SEPTIN6: variants seen among roughly 807,000 people sequenced by gnomAD.
SEPTIN6 encodes the protein septin-6.
SEPTIN6 carries 8 observed loss-of-function variants against 33.6 expected under a neutral mutation model. That is an observed-to-expected ratio of 0.24 (90% confidence interval 0.14 to 0.43). The LOEUF is 0.43. Ranked by LOEUF, SEPTIN6 falls within the 20% of genes least tolerant of loss-of-function variation. The pLI is 1.00. For missense variants in SEPTIN6, 250 were observed against 340.8 expected, an observed-to-expected ratio of 0.73 and a Z score of 2.10; for synonymous variants, 131 against 140.0, an observed-to-expected ratio of 0.94 and a Z score of 0.45.
chrX:119,680,753 C>T (rs376312853), intron 1 of SEPTIN6, among the ~76,000 whole-genome samples: 9 of 108,724 alleles, frequency 8.3e-5, no homozygotes, highest in African/African-American at 3.0e-4. Flanking sequence ...GAGGCCGAGG[C>T]GGGTGGATCA....
At chrX:119,652,572 A>G (rs1209652610) in intron 4 of SEPTIN6, among the ~76,000 whole-genome samples, 1 of 111,950 alleles carries the variant, frequency 8.9e-6, no homozygotes, top group East Asian at 2.8e-4. Context: ...ACAGCTTTCC[A>G]TTGCCAAAGC....
intron 2 of SEPTIN6, among the ~76,000 whole-genome samples, chrX:119,671,905 G>A (rs2054757033): frequency 8.9e-6 from 1 of 112,561 alleles, no homozygotes; most frequent in East Asian, 2.8e-4. Context: ...CAAGATAAAA[G>A]ATCACCTTCA....
chrX:119,686,851 G>C (rs888619715), intron 1 of SEPTIN6, among the ~76,000 whole-genome samples: 1 of 111,858 alleles, frequency 8.9e-6, no homozygotes, highest in African/African-American at 3.3e-5. Flanking sequence ...TAATATCAGA[G>C]AGTCTCCGAA....
chrX:119,680,066 A>C (rs1369839358), intron 1 of SEPTIN6, among the ~76,000 whole-genome samples: 1 of 110,836 alleles, frequency 9.0e-6, no homozygotes, highest in Non-Finnish European at 1.9e-5. Flanking sequence ...AAAAAATTAC[A>C]TTTATCAGAT....
At chrX:119,680,980 CAA>C (rs60147271) in intron 1 of SEPTIN6, among the ~76,000 whole-genome samples, 21 of 77,909 alleles carry the variant, frequency 2.7e-4, no homozygotes, top group Admixed American at 7.1e-4. Context: ...GACTCTGTCT[CAA>C]AAAAAAAAAA....
At chrX:119,623,578 C>T (rs1287168879) in intron 10 of SEPTIN6, among the ~76,000 whole-genome samples, 1 of 112,230 alleles carries the variant, frequency 8.9e-6, no homozygotes, top group Non-Finnish European at 1.9e-5. Context: ...TGGCTCACGC[C>T]TGTAATCTCA....
intron 3 of SEPTIN6, among the ~76,000 whole-genome samples, chrX:119,656,994 G>A (rs1419719753): frequency 1.8e-5 from 2 of 109,502 alleles, no homozygotes; most frequent in Admixed American, 9.7e-5. Flanking sequence ...CGAGGCAGGC[G>A]GATTACCTGA....
intron 2 of SEPTIN6, among the ~76,000 whole-genome samples, chrX:119,673,266 G>A (rs1307003336): frequency 9.0e-6 from 1 of 111,439 alleles, no homozygotes; most frequent in Non-Finnish European, 1.9e-5. Flanking sequence ...TGGAGGCTGA[G>A]GTGGGAGGAA....
intron 2 of SEPTIN6, among the ~76,000 whole-genome samples, chrX:119,669,389 A>G (rs184545101): frequency 8.6e-4 from 97 of 112,324 alleles, no homozygotes; most frequent in Middle Eastern, 4.6e-3. Flanking sequence ...TGAATGTTGA[A>G]CCCAGAGAAA....
Position 119,633,424 on chromosome X carries a change from A to C in SEPTIN6, c.1025T>G (p.Met342Arg). Residue 342 changes from methionine (M) to arginine (R), a missense_variant, in exon 8 of 11, where the codon ATG (methionine) becomes AGG (arginine). Met to Arg is a moderately conservative substitution (Grantham distance 91, BLOSUM62 -1). This residue lies in a region of SEPTIN6 where 139 missense variants were observed against 227.0 expected (regional missense o/e 0.61). Coordinates refer to ENST00000394610, the MANE Select transcript of SEPTIN6 (RefSeq NM_145799.4). ...LGELQKKEEE[M>R]RQMFVQRVKE... ...GACTCGCTGGACGAACATCTGTCTC[A>C]TCTCCTCTTCTTTTTTCTGGAGTTC... 2 of 1,209,751 alleles carry C rather than the reference A, an allele frequency of 1.7e-6. No homozygotes were observed. The highest frequency in any genetic ancestry group is 2.2e-6 in the Non-Finnish European group (2 of 894,470).
downstream of SEPTIN6, chrX:119,616,319 G>T (rs1569414892): frequency 3.2e-6 from 1 of 315,356 alleles, no homozygotes. Context: ...TCGAACCAGA[G>T]AAATGTTTAA....
At chrX:119,686,456 C>G (rs1449025403) in intron 1 of SEPTIN6, 1 of 388,278 alleles carries the variant, frequency 2.6e-6, no homozygotes, top group Non-Finnish European at 4.2e-6. Context: ...TCCCTGGTCA[C>G]CTTTAAGTGA....
At chrX:119,648,152 A>G (rs1186740984) in intron 5 of SEPTIN6, among the ~76,000 whole-genome samples, 1 of 109,944 alleles carries the variant, frequency 9.1e-6, no homozygotes, top group Non-Finnish European at 1.9e-5. Context: ...CCCTAGGCTT[A>G]GCAGGAGGCC....
intron 3 of SEPTIN6, among the ~76,000 whole-genome samples, chrX:119,658,066 G>C (rs976504650): frequency 3.6e-5 from 4 of 111,977 alleles, no homozygotes; most frequent in Non-Finnish European, 5.6e-5. Flanking sequence ...GGCGGAGCTT[G>C]CAGTAAGCCG....
chrX:119,645,683 C>T (rs2054243499), intron 5 of SEPTIN6, among the ~76,000 whole-genome samples: 1 of 111,563 alleles, frequency 9.0e-6, no homozygotes, highest in Non-Finnish European at 1.9e-5. Context: ...AGGTATGAGC[C>T]ACTGCGCCTG....
At chrX:119,670,629 A>C (rs756476423) in intron 2 of SEPTIN6, among the ~76,000 whole-genome samples, 6 of 107,942 alleles carry the variant, frequency 5.6e-5, no homozygotes, top group Non-Finnish European at 9.6e-5. Flanking sequence ...CTTACTATAA[A>C]TTAGGTTCTG....
chrX:119,662,659 A>G (rs1412142765), intron 3 of SEPTIN6, among the ~76,000 whole-genome samples: 2 of 112,417 alleles, frequency 1.8e-5, no homozygotes, highest in Non-Finnish European at 3.8e-5. Context: ...GTGTTAGCCC[A>G]GGGGCAGAAC....
chrX:119,685,332 G>A (rs1391651068), intron 1 of SEPTIN6, among the ~76,000 whole-genome samples: 1 of 110,490 alleles, frequency 9.1e-6, no homozygotes, highest in African/African-American at 3.3e-5. Context: ...TAAAAGCATA[G>A]ATCGACCTTC....
At chrX:119,631,176 T>C (rs2053952467) in intron 8 of SEPTIN6, among the ~76,000 whole-genome samples, 4 of 105,694 alleles carry the variant, frequency 3.8e-5, no homozygotes, top group Admixed American at 2.0e-4. Flanking sequence ...TTTTCTTTTT[T>C]CTTTTCTTTT....
Sources: gnomAD v4.1 joint callset for allele counts (sites outside exome capture counted in the v4.1 genomes callset) on GRCh38, gnomAD v4.1.1 for gene constraint, gnomAD v4.1.1 regional missense constraint, MANE v1.5 for transcripts, NCBI Gene and HGNC (gene_info 2026-07-23, HGNC 2026-07-21) for gene names.